PHRF1: variants seen among roughly 807,000 people sequenced by gnomAD.
The protein encoded by PHRF1 is PHD and ring finger domains 1.
A neutral mutation model predicts 128.9 loss-of-function variants in PHRF1; 53 were observed. The observed-to-expected ratio is 0.41, with a 90% CI of 0.33 to 0.52. The LOEUF (loss-of-function observed/expected upper bound fraction) is 0.52. Ranked by LOEUF, PHRF1 falls within the 20% of genes least tolerant of loss-of-function variation. PHRF1 has a pLI of 0.21. For missense variants in PHRF1, 2,503 were observed against 2,284.5 expected (o/e 1.10, Z -1.95); for synonymous variants, 1,178 against 980.6 (o/e 1.20, Z -3.76).
rs1385260533 is a variant in PHRF1 at position 605,696 on chromosome 11, G to T, written c.1426G>T (p.Ala476Ser). 1 of 1,612,590 alleles carries T rather than the reference G, an allele frequency of 6.2e-7. No homozygotes were observed. The highest frequency in any genetic ancestry group is 1.3e-5 in the African/African-American group (1 of 74,950). Residue 476 changes from alanine to serine, a missense_variant, in exon 12 of 18, where the codon GCC becomes TCC. Physicochemically the swap from Ala to Ser is moderately conservative, Grantham distance 99. Coordinates refer to ENST00000264555, the MANE Select transcript of PHRF1 (RefSeq NM_001286581.2). ...AGCCCTGCAGTCCCACCAGCCCGTG[G>T]CCAGGCCCGTCTCCGTGGGGCTTTC... The part of the protein sequence containing the change: ...RSALQSHQPV[A>S]RPVSVGLSRR...
At position 611,122 on chromosome 11, in the gene PHRF1, C is replaced by T. The variant is rs746401142; in HGVS notation, c.4806+40C>T. 1.6e-5 allele frequency: 26 copies of T among 1,605,282 alleles called. No homozygotes were observed. In the East Asian group the frequency reaches 2.9e-4, roughly 18 times the overall value. ...AGCCTGTGTGTGGGGCTCGGGGTCA[C>T]GGGCGGTACGTCGCTGCTGTCTCGT... On this transcript the variant is annotated intron_variant, in intron 17 of 17. Coordinates refer to ENST00000264555, the MANE Select transcript of PHRF1 (RefSeq NM_001286581.2).
In PHRF1 at chr11:611,981, G is replaced by C. The variant is rs1856435188; in HGVS notation, c.*204G>C. Reference sequence around the variant, plus strand: ...CTGTGCACCTGTGTTGCTCACAGTTGAAAACTGGACACTTTTGTATGTATA... The same window carrying C: ...CTGTGCACCTGTGTTGCTCACAGTTCAAAACTGGACACTTTTGTATGTATA... On this transcript the variant is annotated 3_prime_UTR_variant, in exon 18 of 18. Coordinates refer to ENST00000264555, the MANE Select transcript of PHRF1 (RefSeq NM_001286581.2). The C allele has an allele frequency of 1.4e-6, 1 of 733,556 alleles. No individual in the cohort carries two copies. The highest frequency in any genetic ancestry group is 2.7e-5 in the East Asian group (1 of 36,656). 45.4% of individuals were successfully genotyped at this position (733,556 alleles called of 1,614,324 possible). A position where few individuals can be genotyped will look rare whatever the true frequency, so the allele number is the denominator to read the frequency against.
rs369087485 is a variant in PHRF1 at position 587,401 on chromosome 11, C to T, written c.357C>T (p.Ala119=). ...PICLNAFRDQ[A]VGTPENCAHY... ...GTCTCAACGCATTCAGAGACCAGGC[C>T]GTGGGGACGCCGGAGAACTGTGCCC... Residue 119 remains alanine, a synonymous_variant, in exon 4 of 18, where the codon GCC becomes GCT. Coordinates refer to ENST00000264555, the MANE Select transcript of PHRF1 (RefSeq NM_001286581.2). 30 of 1,613,732 alleles carry T rather than the reference C, an allele frequency of 1.9e-5. No homozygotes were observed. The highest frequency in any genetic ancestry group is 9.3e-5 in the African/African-American group (7 of 74,930).
intron 10 of PHRF1, among the ~76,000 whole-genome samples, chr11:602,247 GT>G (rs1284950132): frequency 1.3e-5 from 2 of 152,184 alleles, no homozygotes; most frequent in Non-Finnish European, 2.9e-5. Context: ...TTCATTTTTA[GT>G]TGATCCCTAA....
rs924350625 is a variant in PHRF1, at chr11:608,195, G to T, written c.2739G>T (p.Gly913=). The T allele has an allele frequency of 6.2e-7, 1 of 1,609,790 alleles. No homozygotes were observed. Among genetic ancestry groups the T allele is most frequent in the Middle Eastern group, 1.7e-4 (1 of 6,060 alleles). Residue 913 remains glycine (G), a synonymous_variant, in exon 14 of 18, where the codon GGG becomes GGT. Transcript: ENST00000264555. ...SKLRGAVAAE[G]ASDTEREEPT... is the part of the protein sequence containing the mutation. The stretch of plus-strand genomic sequence containing the variant: ...TCCGGGGTGCAGTGGCTGCCGAGGG[G>T]GCCTCTGACACGGAGCGAGAGGAGC...
At chr11:610,085 TG>T (rs2133098194) in intron 14 of PHRF1, 110 bp from the exon 15 acceptor site, 1 of 1,354,504 alleles carries the variant, frequency 7.4e-7, no homozygotes, top group African/African-American at 1.5e-5. Flanking sequence ...ATCTGAGGGC[TG>T]CTCTGTGGTC....
chr11:598,996 C>T (rs1855469399), intron 9 of PHRF1, among the ~76,000 whole-genome samples: 1 of 152,146 alleles, frequency 6.6e-6, no homozygotes, highest in Non-Finnish European at 1.5e-5. Context: ...TCTCAGAGGT[C>T]CACTGTGAAG....
Position 609,122 on chromosome 11 carries a change from C to A in PHRF1, c.3666C>A (p.Ala1222=). ...GREDLPTRLP[A]LGEAHVSPEV... ...AAGACCTCCCCACCAGGTTGCCAGCCTTGGGGGAAGCACATGTCTCGCCGG... is the reference window on the plus strand; with the variant it reads ...AAGACCTCCCCACCAGGTTGCCAGCATTGGGGGAAGCACATGTCTCGCCGG... The change falls in exon 14 of 18, where the codon GCC becomes GCA. Residue 1222 remains alanine, a synonymous_variant. Coordinates refer to ENST00000264555, the MANE Select transcript of PHRF1 (RefSeq NM_001286581.2). 6.2e-7 allele frequency: 1 copy of A among 1,606,464 alleles called. No individual in the cohort carries two copies. The highest frequency in any genetic ancestry group is 8.5e-7 in the Non-Finnish European group (1 of 1,178,244).
At chr11:592,269 C>T (rs1189330664) in intron 5 of PHRF1, among the ~76,000 whole-genome samples, 1 of 151,826 alleles carries the variant, frequency 6.6e-6, no homozygotes, top group Non-Finnish European at 1.5e-5. Context: ...CAGTCCAGCA[C>T]CTGCTGCCTC....
rs537219328 is a variant in PHRF1 at position 577,898 on chromosome 11, C to G, written c.-22+1306C>G. 2.6e-5 allele frequency among the ~76,000 whole-genome samples: 4 copies of G among 152,358 alleles called. No individual in the cohort carries two copies. In the South Asian group the frequency reaches 8.3e-4, roughly 32 times the overall value. ...TTGAAAAGAGAGAGAAATAGCCTTT[C>G]CAGTTTTTTGTTTTCCTCTTTAATC... is the stretch of plus-strand genomic sequence containing the variant. On this transcript the variant is annotated intron_variant, in intron 1 of 17. Transcript: ENST00000264555.
intron 11 of PHRF1, 90 bp from the exon 12 acceptor site, chr11:605,515 C>T (rs551703805): frequency 1.3e-5 from 20 of 1,552,406 alleles, no homozygotes; most frequent in East Asian, 9.1e-5. Context: ...GGCCAGTGCT[C>T]GGCCATCCTC....
chr11:606,390 C>T (rs559845252), intron 12 of PHRF1, 52 bp from the exon 13 acceptor site: 3 of 1,502,974 alleles, frequency 2.0e-6, no homozygotes, highest in South Asian at 2.5e-5. Flanking sequence ...TGGGTGCGGG[C>T]CCTCAGGCCG....
Position 611,854 on chromosome 11 carries a change from G to A in PHRF1, c.*77G>A. ...CGGGGCCATGCCCGGGGAGCTGTCG[G>A]GAGTGGCGGGAATCGGGGCCATGCC... On this transcript the variant is annotated 3_prime_UTR_variant, in exon 18 of 18. Transcript: ENST00000264555. The A allele has an allele frequency of 1.3e-6, 2 of 1,511,338 alleles. No individual in the cohort carries two copies. 93.6% of individuals were successfully genotyped at this position (1,511,338 alleles called of 1,614,324 possible).
intron 1 of PHRF1, among the ~76,000 whole-genome samples, 168 bp downstream of exon 1, chr11:576,760 C>G (rs1397510163): frequency 1.8e-5 from 2 of 108,286 alleles, no homozygotes; most frequent in South Asian, 2.5e-4. Flanking sequence ...GAGGCCCCGC[C>G]GAGACTGGGA....
chr11:610,511 C>T lies in PHRF1; in HGVS notation c.4427C>T (p.Pro1476Leu), dbSNP rs1031732973. ...PDTDPSQVYS[P>L]GLPPAPAQPS... ...GGGTGTCCCTCCCAGGTTTACAGCCCCGGCCTGCCGCCTGCCCCGGCCCAG... is the reference window on the plus strand; with the variant it reads ...GGGTGTCCCTCCCAGGTTTACAGCCTCGGCCTGCCGCCTGCCCCGGCCCAG... Residue 1476 changes from proline (P) to leucine (L), a missense_variant, in exon 16 of 18, where the codon CCC becomes CTC. Coordinates refer to ENST00000264555, the MANE Select transcript of PHRF1 (RefSeq NM_001286581.2). 16 of 1,603,656 alleles carry T rather than the reference C, an allele frequency of 1.0e-5. No individual in the cohort carries two copies. Among genetic ancestry groups the T allele is most frequent in the East Asian group, 2.2e-5 (1 of 44,786 alleles).
intron 6 of PHRF1, 60 bp downstream of exon 6, chr11:592,734 G>A: frequency 6.4e-7 from 1 of 1,559,412 alleles, no homozygotes; most frequent in East Asian, 2.2e-5. Flanking sequence ...GCCAGGCGCA[G>A]GAGGGATGCA....
At chr11:610,905 G>A (rs1054537407) in intron 16 of PHRF1, 49 bp from the exon 17 acceptor site, 8 of 1,603,344 alleles carry the variant, frequency 5.0e-6, no homozygotes, top group Admixed American at 1.7e-5. Flanking sequence ...TCTGGCCAGA[G>A]GGACTCCCGG....
chr11:606,803 A>C (rs1855975613), intron 13 of PHRF1: 1 of 883,782 alleles, frequency 1.1e-6, no homozygotes, highest in African/African-American at 1.7e-5. Context: ...CTTCATGTTC[A>C]TAAGAACATG....
chr11:590,892 G>A (rs1213301065), intron 4 of PHRF1, among the ~76,000 whole-genome samples: 1 of 152,028 alleles, frequency 6.6e-6, no homozygotes, highest in Non-Finnish European at 1.5e-5. Context: ...TAGTAGAGGC[G>A]GGGTTTCTCT....
Sources: allele counts gnomAD v4.1 joint callset (sites outside exome capture counted in the v4.1 genomes callset), GRCh38; gene constraint gnomAD v4.1.1; transcripts MANE v1.5; gene names NCBI Gene and HGNC (gene_info 2026-07-23, HGNC 2026-07-21).